The following HECTD4 variants were observed in gnomAD, a reference collection of about 807,000 sequenced individuals.
HECTD4 encodes probable E3 ubiquitin-protein ligase HECTD4.
A neutral mutation model predicts 471.5 loss-of-function variants in HECTD4; 114 were observed. That is an observed-to-expected ratio of 0.24 (90% CI 0.21 to 0.28). The LOEUF is 0.28. HECTD4 is among the 10% of genes least tolerant of loss of function. The pLI is 1.00. For synonymous variants in HECTD4, 2,012 were observed against 2,256.0 expected, an observed-to-expected ratio of 0.89 and a Z score of 3.07; for missense variants, 3,866 against 5,651.5, an observed-to-expected ratio of 0.68 and a Z score of 10.13.
intron 20 of HECTD4, chr12:112,256,811 C>A: frequency 5.3e-6 from 1 of 187,304 alleles, no homozygotes; most frequent in Non-Finnish European, 1.1e-5. Context: ...GGGCGAAGCC[C>A]AGTTGATATC....
chr12:112,320,397 G>C (rs1023687812), intron 1 of HECTD4, among the ~76,000 whole-genome samples: 1 of 150,144 alleles, frequency 6.7e-6, no homozygotes, highest in African/African-American at 2.4e-5. Context: ...AAATGATCTT[G>C]AGTTATAAAT....
Position 112,192,616 on chromosome 12 carries a change from G to T in HECTD4, c.9236C>A (p.Thr3079Asn). 4 of 1,609,504 alleles carry T rather than the reference G, an allele frequency of 2.5e-6. No individual in the cohort carries two copies. The highest frequency in any genetic ancestry group is 3.4e-6 in the Non-Finnish European group (4 of 1,178,302). The change falls in exon 59 of 76, where the codon ACC becomes AAC. Residue 3079 changes from threonine (T) to asparagine (N), a missense_variant. This residue lies in a region of HECTD4 where 364 missense variants were observed against 413.2 expected (regional missense o/e 0.88). Transcript: ENST00000682272. ...GACCACAGAGGGGTACTGGTCAGCG[G>T]TGGGGGGAGGTGCAAGCCCAGTGTT... ...PANTGLAPPP[T>N]ADQYPSVVLS...
chr12:112,325,468 G>T (rs540095551), intron 1 of HECTD4, among the ~76,000 whole-genome samples: 1 of 152,240 alleles, frequency 6.6e-6, no homozygotes, highest in African/African-American at 2.4e-5. Flanking sequence ...GAAGGTCATG[G>T]CCTAAAATCA....
chr12:112,254,199 A>T (rs540520393), intron 21 of HECTD4, 37 bp from the exon 22 acceptor site: 2 of 1,599,442 alleles, frequency 1.3e-6, no homozygotes, highest in Admixed American at 3.5e-5. Context: ...ACTGTAAAAG[A>T]AAAACAAAAA....
At chr12:112,373,969 G>T (rs867352913) in intron 1 of HECTD4, among the ~76,000 whole-genome samples, 2 of 147,036 alleles carry the variant, frequency 1.4e-5, no homozygotes, top group African/African-American at 5.1e-5. Flanking sequence ...GTGCTATTGC[G>T]CTCCAGCCTA....
chr12:112,182,528 C>T (rs1258655628), intron 62 of HECTD4, among the ~76,000 whole-genome samples: 2 of 152,122 alleles, frequency 1.3e-5, no homozygotes, highest in African/African-American at 2.4e-5. Context: ...ACAAGGGGGA[C>T]GCATGAGCTG....
intron 62 of HECTD4, 141 bp downstream of exon 62, chr12:112,182,918 G>A: frequency 1.6e-6 from 1 of 635,376 alleles, no homozygotes; most frequent in Non-Finnish European, 2.7e-6. Flanking sequence ...CCCAGGAGTA[G>A]CTGCCAAATT....
intron 32 of HECTD4, 97 bp from the exon 33 acceptor site, chr12:112,240,124 G>T: frequency 8.9e-6 from 11 of 1,241,620 alleles, no homozygotes; most frequent in Non-Finnish European, 1.3e-5. Flanking sequence ...GTATCTGGAT[G>T]AATCCAGAAC....
At chr12:112,282,836 T>C (rs968667614) in intron 8 of HECTD4, among the ~76,000 whole-genome samples, 2 of 152,210 alleles carry the variant, frequency 1.3e-5, no homozygotes, top group Non-Finnish European at 2.9e-5. Flanking sequence ...ACGCAAAATA[T>C]GAAATCAACT....
Position 112,381,612 on chromosome 12 carries a change from A to C in HECTD4, c.177+340T>G, listed in dbSNP as rs1202996917. 5.0e-5 allele frequency among the ~76,000 whole-genome samples: 7 copies of C among 140,970 alleles called. No individual in the cohort carries two copies. Among genetic ancestry groups the C allele is most frequent in the Admixed American group, 4.2e-4 (6 of 14,346 alleles). 92.5% of individuals were successfully genotyped at this position (140,970 alleles called of 152,430 possible). On this transcript the variant is annotated intron_variant, in intron 1 of 75. Transcript: ENST00000682272. The surrounding 1 kb of genome is among the most constrained non-coding windows in gnomAD (Gnocchi z 4.1). ...AGTGGGTCCTGGGGGCCCGTGGGGG[A>C]GGGGAGGGAGGGCCCGGGTGGTGGC...
chr12:112,217,489 G>A (rs140452377), intron 45 of HECTD4, among the ~76,000 whole-genome samples: 3 of 152,234 alleles, frequency 2.0e-5, no homozygotes, highest in African/African-American at 7.2e-5. Context: ...CAGTAGCTGG[G>A]ACTACAGGTG....
intron 17 of HECTD4, among the ~76,000 whole-genome samples, chr12:112,263,724 T>TATATAC (rs777466613): frequency 4.8e-5 from 6 of 125,050 alleles, no homozygotes; most frequent in African/African-American, 1.1e-4. Context: ...TATATATATA[T>TATATAC]ACACACACAC....
At chr12:112,262,675 G>C (rs1380228571) in intron 17 of HECTD4, among the ~76,000 whole-genome samples, 2 of 151,878 alleles carry the variant, frequency 1.3e-5, no homozygotes, top group African/African-American at 4.8e-5. Context: ...GAGTGCAGTG[G>C]CATGATCAGG....
chr12:112,237,067 C>G lies in HECTD4; in HGVS notation c.5322G>C (p.Leu1774=). The change falls in exon 35 of 76, where the codon CTG becomes CTC. Residue 1774 remains leucine (L), a synonymous_variant. Coordinates refer to ENST00000682272, the MANE Select transcript of HECTD4 (RefSeq NM_001388303.1). The part of the protein sequence containing the change: ...GGSTEAVHSG[L]ARQVSSLLTN... ...TGAGAAGGCTGGACACCTGCCGGGC[C>G]AGACCTGAGTGCACAGCCTCTGTGG... The G allele has an allele frequency of 6.3e-7, 1 of 1,593,758 alleles. No individual in the cohort carries two copies. The highest frequency in any genetic ancestry group is 8.5e-7 in the Non-Finnish European group (1 of 1,170,664).
rs2030782512 is a variant in HECTD4, at chr12:112,163,417, A to C, written c.12897+125T>G. On this transcript the variant is annotated intron_variant, in intron 74 of 75. Transcript: ENST00000682272. This position sits in a 1 kb window ranked among gnomAD's most constrained non-coding sequence, Gnocchi z 8.2. ...GAGATGACAATGATGACAATGATAC[A>C]GGTCTGTGGCAAGGACAGAGCTGAG... The C allele has an allele frequency of 2.9e-6, 3 of 1,029,528 alleles. No homozygotes were observed. The highest frequency in any genetic ancestry group is 4.2e-6 in the Non-Finnish European group (3 of 714,128). 63.8% of individuals were successfully genotyped at this position (1,029,528 alleles called of 1,614,324 possible).
At chr12:112,229,662 G>A in intron 41 of HECTD4, 36 bp downstream of exon 41, 2 of 1,571,494 alleles carry the variant, frequency 1.3e-6, no homozygotes, top group Non-Finnish European at 1.7e-6. Flanking sequence ...ATATATATGG[G>A]GGAAGCAATG....
chr12:112,237,791 G>A (rs1192988837), intron 34 of HECTD4, among the ~76,000 whole-genome samples: 4 of 143,878 alleles, frequency 2.8e-5, no homozygotes, highest in Non-Finnish European at 6.1e-5. Flanking sequence ...TTTTGCTCTT[G>A]TTGCCCAGGC....
intron 66 of HECTD4, 80 bp from the exon 67 acceptor site, chr12:112,172,941 C>T (rs1030771087): frequency 1.5e-5 from 18 of 1,233,636 alleles, no homozygotes; most frequent in Non-Finnish European, 2.1e-5. Flanking sequence ...TTACAGAGCC[C>T]TGTCCTCAGC....
Position 112,239,275 on chromosome 12 carries a change from T to C in HECTD4, c.5106-39A>G, listed in dbSNP as rs970691792. 4 of 1,537,138 alleles carry C rather than the reference T, an allele frequency of 2.6e-6. No individual in the cohort carries two copies. In the African/African-American group the frequency reaches 5.5e-5, roughly 21 times the overall value. On this transcript the variant is annotated intron_variant, in intron 33 of 75. Transcript: ENST00000682272. The surrounding 1 kb of genome is among the most constrained non-coding windows in gnomAD (Gnocchi z 4.9). ...ATGGATTACACTAGATAAACGTAAC[T>C]GACCGACACTCAGGAAACTCTCATG...
Sources: gnomAD v4.1 joint callset for allele counts (sites outside exome capture counted in the v4.1 genomes callset) on GRCh38, gnomAD v4.1.1 for gene constraint, gnomAD v4.1.1 regional missense constraint, Gnocchi (gnomAD v3.1) non-coding constraint, MANE v1.5 for transcripts, NCBI Gene and HGNC (gene_info 2026-07-23, HGNC 2026-07-21) for gene names.